Variants in FMN2 observed in about 807,000 individuals in gnomAD.
FMN2 encodes formin 2.
A neutral mutation model predicts 142.3 loss-of-function variants in FMN2; 51 were observed. That is an observed-to-expected ratio of 0.36 (90% CI 0.29 to 0.45). The LOEUF (loss-of-function observed/expected upper bound fraction) is 0.45, where lower values mean the gene tolerates loss of function less well. FMN2 is among the 20% of genes least tolerant of loss of function. FMN2 has a pLI of 1.00. For missense variants in FMN2, 1,936 were observed against 2,122.8 expected, an observed-to-expected ratio of 0.91 and a Z score of 1.73; for synonymous variants, 882 against 869.8, an observed-to-expected ratio of 1.01 and a Z score of -0.25.
At chr1:240,400,796 C>T in intron 15 of FMN2, 1 of 151,976 alleles carries the variant, frequency 6.6e-6, no homozygotes, top group Admixed American at 6.6e-5. Context: ...TTTACTTCCC[C>T]CCGACCACCA....
At chr1:240,422,647 A>G (rs958038446) in intron 15 of FMN2, among the ~76,000 whole-genome samples, 2 of 152,158 alleles carry the variant, frequency 1.3e-5, no homozygotes, top group African/African-American at 2.4e-5. Flanking sequence ...TATTTTGTAG[A>G]TTCCTTGGCA....
At chr1:240,353,911 G>T (rs1307589726) in intron 13 of FMN2, among the ~76,000 whole-genome samples, 2 of 152,108 alleles carry the variant, frequency 1.3e-5, no homozygotes, top group African/African-American at 4.8e-5. Context: ...CTGTGGGGAG[G>T]TCAGGGAATG....
intron 16 of FMN2, among the ~76,000 whole-genome samples, chr1:240,445,551 C>A (rs1230385251): frequency 6.6e-6 from 1 of 152,032 alleles, no homozygotes; most frequent in Non-Finnish European, 1.5e-5. Context: ...ATGTTCACGG[C>A]AATGTGGCAG....
intron 14 of FMN2, among the ~76,000 whole-genome samples, chr1:240,357,767 C>T (rs1005590952): frequency 6.6e-6 from 1 of 152,004 alleles, no homozygotes; most frequent in East Asian, 1.9e-4. Flanking sequence ...GCCACCACGC[C>T]CGGCTAATTT....
At chr1:240,225,016 A>G (rs557289075) in intron 6 of FMN2, among the ~76,000 whole-genome samples, 1 of 152,318 alleles carries the variant, frequency 6.6e-6, no homozygotes, top group East Asian at 1.9e-4. Flanking sequence ...TTCAAGCATT[A>G]AGACCAAATG....
At chr1:240,248,056 A>T (rs1668137634) in intron 6 of FMN2, among the ~76,000 whole-genome samples, 1 of 151,844 alleles carries the variant, frequency 6.6e-6, no homozygotes, top group African/African-American at 2.4e-5. Flanking sequence ...CTTCTATCTA[A>T]TGCTTGTACC....
At chr1:240,106,706 C>T (rs1307167363) in intron 1 of FMN2, among the ~76,000 whole-genome samples, 1 of 149,754 alleles carries the variant, frequency 6.7e-6, no homozygotes, top group East Asian at 2.0e-4. Flanking sequence ...TTTTTTGAGA[C>T]AGAGTTTTTG....
At chr1:240,376,434 A>G (rs1673045878) in intron 14 of FMN2, among the ~76,000 whole-genome samples, 1 of 151,350 alleles carries the variant, frequency 6.6e-6, no homozygotes. Flanking sequence ...ATTAATTAGT[A>G]TTTTTTAATA....
At chr1:240,208,817 GAATGTATTTTTAAGC>G in intron 5 of FMN2, 85 bp downstream of exon 5, 1 of 1,476,740 alleles carries the variant, frequency 6.8e-7, no homozygotes, top group Non-Finnish European at 9.1e-7. Context: ...AATTACTGTT[GAATGTATTTTTAAGC>G]ACAACTCTAA....
intron 6 of FMN2, among the ~76,000 whole-genome samples, chr1:240,215,371 C>T (rs1260474531): frequency 1.3e-5 from 2 of 152,110 alleles, no homozygotes; most frequent in African/African-American, 4.8e-5. Flanking sequence ...AGCCTCAGTT[C>T]ATAGTACAGA....
intron 16 of FMN2, 54 bp downstream of exon 16, chr1:240,438,264 T>G: frequency 6.4e-7 from 1 of 1,559,664 alleles, no homozygotes; most frequent in Non-Finnish European, 8.7e-7. Flanking sequence ...TTATTAGGTG[T>G]GGCACCACTG....
intron 14 of FMN2, among the ~76,000 whole-genome samples, chr1:240,369,419 G>A (rs1326206813): frequency 1.3e-5 from 2 of 151,922 alleles, no homozygotes; most frequent in African/African-American, 4.8e-5. Context: ...ATTATTTTAT[G>A]TATTCATTTT....
chr1:240,329,822 G>A lies in FMN2; in HGVS notation c.4437+354G>A, dbSNP rs563899184. Among the ~76,000 whole-genome samples the A allele has an allele frequency of 8.6e-4, 128 of 149,570 alleles. 1 individual carries two copies. Among genetic ancestry groups the A allele is most frequent in the African/African-American group, 2.8e-3 (114 of 40,604 alleles). ...AAGGCTTTTTTTTTTACTTTCTTTC[G>A]TTATCTGGAAGGACCTCTCCACAAA... On this transcript the variant is annotated intron_variant, in intron 10 of 17. Coordinates refer to ENST00000319653, the MANE Select transcript of FMN2 (RefSeq NM_020066.5).
At chr1:240,278,802 G>A (rs1166695119) in intron 7 of FMN2, among the ~76,000 whole-genome samples, 2 of 152,092 alleles carry the variant, frequency 1.3e-5, no homozygotes, top group African/African-American at 2.4e-5. Flanking sequence ...TTTGAAGTCT[G>A]CATTACTTCT....
chr1:240,358,900 G>C (rs1248460189), intron 14 of FMN2, among the ~76,000 whole-genome samples: 1 of 152,148 alleles, frequency 6.6e-6, no homozygotes, highest in Non-Finnish European at 1.5e-5. Flanking sequence ...ACTTTGGGAG[G>C]CTGAGGTGCG....
intron 13 of FMN2, among the ~76,000 whole-genome samples, chr1:240,350,339 A>G (rs1672050598): frequency 6.6e-6 from 1 of 152,186 alleles, no homozygotes; most frequent in Admixed American, 6.5e-5. Context: ...TGGAGACTTA[A>G]TATCCCTATT....
At chr1:240,142,170 A>T (rs919233963) in intron 2 of FMN2, among the ~76,000 whole-genome samples, 1 of 152,112 alleles carries the variant, frequency 6.6e-6, no homozygotes, top group African/African-American at 2.4e-5. Context: ...CGGCGGCTTC[A>T]TTGTCATCAG....
At chr1:240,337,573 G>A (rs1671607728) in intron 13 of FMN2, among the ~76,000 whole-genome samples, 2 of 152,142 alleles carry the variant, frequency 1.3e-5, no homozygotes, top group Non-Finnish European at 2.9e-5. Flanking sequence ...CGTATAGAAA[G>A]CATTTATCTC....
At chr1:240,262,759 CTTTTTT>C (rs764626617) in intron 7 of FMN2, among the ~76,000 whole-genome samples, 1 of 117,788 alleles carries the variant, frequency 8.5e-6, no homozygotes, top group African/African-American at 3.2e-5. Flanking sequence ...AAAACTTTTA[CTTTTTT>C]TTTTTTTTTT....
Sources: gnomAD v4.1 joint callset for allele counts (sites outside exome capture counted in the v4.1 genomes callset) on GRCh38, gnomAD v4.1.1 for gene constraint, MANE v1.5 for transcripts, NCBI Gene and HGNC (gene_info 2026-07-23, HGNC 2026-07-21) for gene names.